The following ATE1 variants were observed in gnomAD, a reference collection of about 807,000 sequenced individuals.
ATE1 encodes arginyltransferase 1.
A neutral mutation model predicts 70.5 loss-of-function variants in ATE1; 36 were observed. That is an observed-to-expected ratio of 0.51 (90% CI 0.39 to 0.67). The LOEUF (loss-of-function observed/expected upper bound fraction) is 0.67. Ranked by LOEUF, ATE1 falls within the 30% of genes least tolerant of loss-of-function variation. ATE1 has a pLI of 0.00. For synonymous variants in ATE1, 232 were observed against 219.3 expected (o/e 1.06, Z -0.51); for missense variants, 593 against 629.5 (o/e 0.94, Z 0.62).
intron 10 of ATE1, among the ~76,000 whole-genome samples, chr10:121,800,615 T>A (rs998134315): frequency 6.6e-5 from 10 of 152,276 alleles, no homozygotes; most frequent in Admixed American, 5.9e-4. Flanking sequence ...AAAGACAATA[T>A]TATTTAAATA....
chr10:121,917,640 A>T (rs1467780285), intron 3 of ATE1, among the ~76,000 whole-genome samples: 1 of 152,176 alleles, frequency 6.6e-6, no homozygotes, highest in African/African-American at 2.4e-5. Flanking sequence ...AACTAACAGA[A>T]AAAGAAAAAA....
chr10:121,746,034 A>T (rs532462226), intron 11 of ATE1, among the ~76,000 whole-genome samples: 4 of 152,322 alleles, frequency 2.6e-5, no homozygotes, highest in African/African-American at 9.6e-5. Flanking sequence ...GCCTGTTAAT[A>T]GAACGTATTG....
chr10:121,815,878 C>A (rs1481585610), intron 10 of ATE1, among the ~76,000 whole-genome samples: 4 of 152,178 alleles, frequency 2.6e-5, no homozygotes, highest in Non-Finnish European at 5.9e-5. Flanking sequence ...TGTCCTATTG[C>A]AGGATGTTTG....
At chr10:121,780,810 G>A (rs530873436) in intron 11 of ATE1, among the ~76,000 whole-genome samples, 38 of 152,090 alleles carry the variant, frequency 2.5e-4, no homozygotes, top group Non-Finnish European at 4.0e-4. Context: ...TCTACACCCC[G>A]TCAAATTCTG....
At chr10:121,906,967 C>G in intron 5 of ATE1, among the ~76,000 whole-genome samples, 1 of 151,928 alleles carries the variant, frequency 6.6e-6, no homozygotes, top group East Asian at 1.9e-4. Flanking sequence ...AAATAAGAAC[C>G]CTGCAAAAAT....
At chr10:121,875,138 CA>C (rs1276048988) in intron 7 of ATE1, among the ~76,000 whole-genome samples, 14,892 of 79,374 alleles carry the variant, frequency 0.19, 607 homozygotes, top group East Asian at 0.36. Context: ...GACTCCGTCT[CA>C]AAAAAAAAAA....
chr10:121,901,274 A>T (rs1022890242), intron 6 of ATE1, among the ~76,000 whole-genome samples: 2 of 152,162 alleles, frequency 1.3e-5, no homozygotes, highest in Admixed American at 6.5e-5. Flanking sequence ...TCTCAAAAAA[A>T]AAAGCTAAAT....
intron 5 of ATE1, among the ~76,000 whole-genome samples, chr10:121,907,426 T>A: frequency 6.6e-6 from 1 of 150,694 alleles, no homozygotes; most frequent in East Asian, 2.0e-4. Context: ...GATAGCGCCA[T>A]TGCACTCCAG....
intron 11 of ATE1, among the ~76,000 whole-genome samples, chr10:121,760,397 G>A (rs75694555): frequency 0.01 from 1,573 of 152,322 alleles, 11 homozygotes; most frequent in African/African-American, 0.027. Context: ...ATTCATGGGA[G>A]GAAGTCAAAC....
intron 10 of ATE1, among the ~76,000 whole-genome samples, chr10:121,793,641 A>G (rs1429518330): frequency 6.6e-6 from 1 of 152,102 alleles, no homozygotes; most frequent in African/African-American, 2.4e-5. Flanking sequence ...TTTCTTTTTC[A>G]TAAAGTTGGC....
intron 11 of ATE1, among the ~76,000 whole-genome samples, chr10:121,784,756 G>A (rs1458364790): frequency 6.6e-6 from 1 of 152,108 alleles, no homozygotes; most frequent in Non-Finnish European, 1.5e-5. Context: ...CTACCCAGGA[G>A]GCTGAGGCAG....
chr10:121,792,057 T>C (rs926856177), intron 10 of ATE1, among the ~76,000 whole-genome samples: 3 of 152,170 alleles, frequency 2.0e-5, no homozygotes, highest in Non-Finnish European at 2.9e-5. Context: ...ATCCACAAAA[T>C]GTGAGGAAAC....
intron 6 of ATE1, among the ~76,000 whole-genome samples, chr10:121,901,991 G>A (rs896669303): frequency 4.6e-5 from 7 of 152,102 alleles, no homozygotes; most frequent in Non-Finnish European, 1.0e-4. Context: ...ACCAAGATCA[G>A]AATATTATAA....
chr10:121,797,528 T>G (rs1043674003), intron 10 of ATE1, among the ~76,000 whole-genome samples: 8 of 151,790 alleles, frequency 5.3e-5, no homozygotes, highest in African/African-American at 1.9e-4. Flanking sequence ...ATTATTGTGC[T>G]GACTATCCAT....
chr10:121,874,656 C>T (rs967129244), intron 7 of ATE1, among the ~76,000 whole-genome samples: 3 of 152,200 alleles, frequency 2.0e-5, no homozygotes, highest in Non-Finnish European at 4.4e-5. Context: ...ATTGTTTGTG[C>T]TACCTCTTCT....
At chr10:121,822,188 T>C (rs113579559) in intron 10 of ATE1, among the ~76,000 whole-genome samples, 1 of 152,206 alleles carries the variant, frequency 6.6e-6, no homozygotes, top group African/African-American at 2.4e-5. Context: ...ATTCATTAAA[T>C]AGTATACCAT....
At chr10:121,859,731 C>T (rs928645697) in intron 8 of ATE1, among the ~76,000 whole-genome samples, 63 of 151,748 alleles carry the variant, frequency 4.2e-4, no homozygotes, top group African/African-American at 1.3e-3. Context: ...CACTTGAGGT[C>T]GGGAGTTCAA....
chr10:121,916,297 T>C (rs770550657), intron 3 of ATE1, among the ~76,000 whole-genome samples: 6 of 152,084 alleles, frequency 3.9e-5, no homozygotes, highest in Non-Finnish European at 7.4e-5. Context: ...GACAAAGGTA[T>C]GAGGATCAGA....
At chr10:121,788,703 G>A (rs78279805) in intron 11 of ATE1, among the ~76,000 whole-genome samples, 2,512 of 152,146 alleles carry the variant, frequency 0.017, 31 homozygotes, top group African/African-American at 0.038. Context: ...CTTAGACAAC[G>A]GGTGGTAGCT....
Sources: gnomAD v4.1 joint callset for allele counts (sites outside exome capture counted in the v4.1 genomes callset) on GRCh38, gnomAD v4.1.1 for gene constraint, MANE v1.5 for transcripts, NCBI Gene and HGNC (gene_info 2026-07-23, HGNC 2026-07-21) for gene names.